The following AKAP6 variants were observed in gnomAD, a reference collection of about 807,000 sequenced individuals.
AKAP6 encodes A-kinase anchoring protein 6.
In AKAP6, 58 loss-of-function variants were observed where a neutral mutation model predicts 188.5. That is an observed-to-expected ratio of 0.31 (90% CI 0.25 to 0.38). The LOEUF is 0.38. AKAP6 is among the 10% of genes least tolerant of loss of function. The pLI is 1.00. For synonymous variants in AKAP6, 989 were observed against 998.6 expected (o/e 0.99, Z 0.18); for missense variants, 2,710 against 2,740.0 (o/e 0.99, Z 0.24).
At chr14:32,716,472 A>G (rs1039450575) in intron 9 of AKAP6, among the ~76,000 whole-genome samples, 3 of 151,036 alleles carry the variant, frequency 2.0e-5, no homozygotes, top group Non-Finnish European at 3.0e-5. Flanking sequence ...AGTATATACT[A>G]TAGTATACAC....
In AKAP6 at chr14:32,621,628, G is replaced by A. The variant is rs1170092026; in HGVS notation, c.2730+20836G>A. 3.3e-5 allele frequency among the ~76,000 whole-genome samples: 5 copies of A among 151,986 alleles called. No individual in the cohort carries two copies. The East Asian group carries it at 5.8e-4, about 18-fold the overall frequency. On this transcript the variant is annotated intron_variant, in intron 7 of 13. Transcript: ENST00000280979. ...CTTGGAGAATGTTCCATGTGCTGAC[G>A]AGAATAATGTATATTATACAGTTCT...
intron 11 of AKAP6, among the ~76,000 whole-genome samples, chr14:32,752,284 C>G (rs948405953): frequency 1.3e-5 from 2 of 152,134 alleles, no homozygotes; most frequent in Non-Finnish European, 1.5e-5. Flanking sequence ...AGTAAGTAGC[C>G]TACTCTTTGT....
Position 32,834,140 on chromosome 14 carries a change from C to A in AKAP6, c.*4335C>A, listed in dbSNP as rs1254860384. On this transcript the variant is annotated 3_prime_UTR_variant, in exon 14 of 14. Transcript: ENST00000280979. ...GGTCATGGTGGCTCACGCCTGTAAT[C>A]CCAGCACTTTGGGAGGCCAAGGCGT... The A allele has an allele frequency of 2.0e-5, 3 of 152,270 alleles. No homozygotes were observed. The highest frequency in any genetic ancestry group is 4.4e-5 in the Non-Finnish European group (3 of 68,096). 9.4% of individuals were successfully genotyped at this position (152,270 alleles called of 1,614,324 possible). A position where few individuals can be genotyped will look rare whatever the true frequency, so the allele number is the denominator to read the frequency against.
chr14:32,444,815 A>T (rs1890706527), intron 2 of AKAP6, among the ~76,000 whole-genome samples: 1 of 152,218 alleles, frequency 6.6e-6, no homozygotes, highest in Non-Finnish European at 1.5e-5. Flanking sequence ...TAATTCAAGC[A>T]GTAGTATTAA....
At chr14:32,415,482 A>G (rs1483027741) in intron 1 of AKAP6, among the ~76,000 whole-genome samples, 6 of 152,050 alleles carry the variant, frequency 3.9e-5, no homozygotes, top group Non-Finnish European at 7.4e-5. Flanking sequence ...TTTCTTTTCT[A>G]TTTCTCAGTG....
Position 32,811,626 on chromosome 14 carries a change from C to T in AKAP6, c.3589-9776C>T, listed in dbSNP as rs539624809. On this transcript the variant is annotated intron_variant, in intron 12 of 13. Transcript: ENST00000280979. ...TCTCACGTATGGGATCTGATACTAA[C>T]TCCAGATAGATAGTGTCAACGTTGG... is the stretch of plus-strand genomic sequence containing the variant. Among the ~76,000 whole-genome samples, 20 of 152,304 alleles carry T rather than the reference C, an allele frequency of 1.3e-4. 3 individuals carry two copies. Among genetic ancestry groups the T allele is most frequent in the Admixed American group, 1.3e-3 (20 of 15,296 alleles).
At chr14:32,360,285 A>G (rs1245199865) in intron 1 of AKAP6, among the ~76,000 whole-genome samples, 2 of 151,988 alleles carry the variant, frequency 1.3e-5, no homozygotes, top group African/African-American at 4.8e-5. Flanking sequence ...CTGCAACCAC[A>G]TCCAGCTAAT....
intron 1 of AKAP6, among the ~76,000 whole-genome samples, chr14:32,345,634 G>T (rs1186097206): frequency 6.6e-6 from 1 of 152,224 alleles, no homozygotes; most frequent in African/African-American, 2.4e-5. Flanking sequence ...GTCAGCCACA[G>T]TAAGCTCTGA....
chr14:32,483,443 T>C (rs116734409), intron 2 of AKAP6, among the ~76,000 whole-genome samples: 1,812 of 152,114 alleles, frequency 0.012, 42 homozygotes, highest in African/African-American at 0.041. Flanking sequence ...TGAAGTTTGA[T>C]TTTTTTTCTC....
intron 2 of AKAP6, among the ~76,000 whole-genome samples, chr14:32,446,529 T>A (rs924937596): frequency 2.0e-5 from 3 of 152,092 alleles, no homozygotes; most frequent in African/African-American, 7.2e-5. Flanking sequence ...ATTTTTACTA[T>A]CATAGATTAA....
At chr14:32,804,518 A>G (rs1052454653) in intron 12 of AKAP6, among the ~76,000 whole-genome samples, 1 of 152,248 alleles carries the variant, frequency 6.6e-6, no homozygotes, top group Non-Finnish European at 1.5e-5. Flanking sequence ...CAAAAAGCAG[A>G]ACAAAGATCA....
intron 1 of AKAP6, among the ~76,000 whole-genome samples, chr14:32,432,092 T>C (rs920409282): frequency 2.4e-4 from 36 of 152,206 alleles, no homozygotes; most frequent in Non-Finnish European, 3.8e-4. Flanking sequence ...TTTGTTACTG[T>C]ACAAATATGA....
intron 7 of AKAP6, among the ~76,000 whole-genome samples, chr14:32,649,869 A>T (rs1888137355): frequency 1.3e-5 from 2 of 152,156 alleles, no homozygotes; most frequent in African/African-American, 4.8e-5. Flanking sequence ...TTAACAAATG[A>T]CGAGAAGGCA....
intron 2 of AKAP6, among the ~76,000 whole-genome samples, chr14:32,461,086 C>T (rs555701784): frequency 1.3e-5 from 2 of 152,338 alleles, no homozygotes; most frequent in African/African-American, 4.8e-5. Flanking sequence ...ACAAAACCTC[C>T]ATGTCCCTGG....
chr14:32,534,576 A>G (rs1365297479), intron 2 of AKAP6, among the ~76,000 whole-genome samples: 1 of 152,180 alleles, frequency 6.6e-6, no homozygotes, highest in Non-Finnish European at 1.5e-5. Context: ...ACGAAACAAA[A>G]TTGTATTTTG....
At chr14:32,570,359 G>C (rs1435858457) in intron 4 of AKAP6, among the ~76,000 whole-genome samples, 2 of 151,126 alleles carry the variant, frequency 1.3e-5, no homozygotes, top group Admixed American at 6.6e-5. Flanking sequence ...GGCCAGGATG[G>C]TCTCTATCTC....
chr14:32,533,596 C>T lies in AKAP6; in HGVS notation c.325-1958C>T, dbSNP rs537732970. Reference sequence around the variant, plus strand: ...TGTACAGAATTTGGAAGAACTCAGCCGTGGGAGGGAGGGAGTTTCTCAAAG... The same window carrying T: ...TGTACAGAATTTGGAAGAACTCAGCTGTGGGAGGGAGGGAGTTTCTCAAAG... On this transcript the variant is annotated intron_variant, in intron 2 of 13. Coordinates refer to ENST00000280979, the MANE Select transcript of AKAP6 (RefSeq NM_004274.5). Among the ~76,000 whole-genome samples the T allele has an allele frequency of 9.3e-4, 142 of 152,088 alleles. 1 individual carries two copies. The highest frequency in any genetic ancestry group is 7.6e-4 in the Non-Finnish European group (52 of 67,988).
At chr14:32,746,632 A>G (rs1260960049) in intron 11 of AKAP6, among the ~76,000 whole-genome samples, 2 of 152,146 alleles carry the variant, frequency 1.3e-5, no homozygotes, top group Non-Finnish European at 1.5e-5. Context: ...CTATTCTGGT[A>G]TCTTGCTCTG....
At chr14:32,608,188 A>T (rs1886201492) in intron 7 of AKAP6, among the ~76,000 whole-genome samples, 1 of 152,144 alleles carries the variant, frequency 6.6e-6, no homozygotes, top group South Asian at 2.1e-4. Flanking sequence ...AAGGACAGCT[A>T]ATGTTCTTGG....
Sources: gnomAD v4.1 joint callset for allele counts (sites outside exome capture counted in the v4.1 genomes callset) on GRCh38, gnomAD v4.1.1 for gene constraint, MANE v1.5 for transcripts, NCBI Gene and HGNC (gene_info 2026-07-23, HGNC 2026-07-21) for gene names.